Variants in ENPP3 observed in about 807,000 individuals in gnomAD.
The protein encoded by ENPP3 is ectonucleotide pyrophosphatase/phosphodiesterase 3, also known as ectonucleotide pyrophosphatase/phosphodiesterase family member 3.
In ENPP3, 104 loss-of-function variants were observed where a neutral mutation model predicts 117.8. The ratio of observed to expected loss-of-function variants is 0.88; its 90% CI spans 0.75 to 1.04. ENPP3 has a LOEUF of 1.04. Among genes scored for constraint, ENPP3 ranks in the 50% least tolerant of loss-of-function variants. ENPP3 has a pLI of 0.00. For missense variants in ENPP3, 1,026 were observed against 1,051.9 expected (o/e 0.98, Z 0.34); for synonymous variants, 380 against 349.9 (o/e 1.09, Z -0.96).
chr6:131,640,824 A>G (rs1330890388), intron 1 of ENPP3, among the ~76,000 whole-genome samples: 2 of 152,376 alleles, frequency 1.3e-5, no homozygotes, highest in East Asian at 3.9e-4. Flanking sequence ...TAATCATAGC[A>G]TAAAGTTCGT....
At chr6:131,713,252 T>A (rs1367399027) in intron 15 of ENPP3, among the ~76,000 whole-genome samples, 1 of 146,674 alleles carries the variant, frequency 6.8e-6, no homozygotes, top group Non-Finnish European at 1.5e-5. Context: ...ACTAAACCTC[T>A]TTCTTTTATA....
chr6:131,742,833 T>C (rs918419907), intron 24 of ENPP3, among the ~76,000 whole-genome samples: 7 of 152,176 alleles, frequency 4.6e-5, no homozygotes, highest in Admixed American at 1.3e-4. Context: ...AAATTCCATC[T>C]GGGCGTCAAG....
At chr6:131,652,958 T>A (rs1585620476) in intron 5 of ENPP3, 67 bp downstream of exon 5, 1 of 1,066,424 alleles carries the variant, frequency 9.4e-7, no homozygotes, top group Non-Finnish European at 1.4e-6. Context: ...ATGTAGTTAG[T>A]TGAGACGCAG....
At position 131,701,656 on chromosome 6, in the gene ENPP3, G is replaced by A. The variant is rs1404727428; in HGVS notation, c.1412+8032G>A. On this transcript the variant is annotated intron_variant, in intron 15 of 24. Coordinates refer to ENST00000357639, the MANE Select transcript of ENPP3 (RefSeq NM_005021.5). ...AGCACTTTGGGAGGCCGAGGCGGGC[G>A]GATTGCCTGAGCTCAGGAGTTCGAG... Among the ~76,000 whole-genome samples the A allele has an allele frequency of 4.0e-5, 6 of 149,114 alleles. No individual in the cohort carries two copies. The East Asian group carries it at 1.2e-3, about 29-fold the overall frequency.
intron 5 of ENPP3, among the ~76,000 whole-genome samples, chr6:131,653,226 C>T (rs1164027980): frequency 6.6e-6 from 1 of 152,142 alleles, no homozygotes; most frequent in Non-Finnish European, 1.5e-5. Context: ...ACCTCCCAGA[C>T]ACAGGTGATC....
rs760990670 is a variant in ENPP3 at position 131,737,452 on chromosome 6, A to T, written c.2167+20A>T. The T allele has an allele frequency of 6.5e-6, 9 of 1,374,046 alleles. No individual in the cohort carries two copies. The South Asian group carries it at 1.1e-4, about 17-fold the overall frequency. The allele number at this position is 1,374,046 out of a possible 1,614,324, so 85.1% of individuals were successfully genotyped here. On this transcript the variant is annotated intron_variant, in intron 22 of 24. Transcript: ENST00000357639. ...TCAGAAGTAAGTATGAATTTAGAGT[A>T]TTAATTTTAAAATAGTTAAGTGACT...
chr6:131,712,636 A>G (rs1779813036), intron 15 of ENPP3, among the ~76,000 whole-genome samples: 1 of 135,416 alleles, frequency 7.4e-6, no homozygotes, highest in Non-Finnish European at 1.5e-5. Context: ...ACTGTCACAT[A>G]GCTAAGGAGT....
At chr6:131,646,271 ACT>A (rs1778150088) in intron 2 of ENPP3, among the ~76,000 whole-genome samples, 1 of 120,550 alleles carries the variant, frequency 8.3e-6, no homozygotes, top group African/African-American at 4.3e-5. Context: ...GGCTCTCAAT[ACT>A]CTGTGTGTGT....
chr6:131,725,618 TA>T (rs1674182842), intron 19 of ENPP3, among the ~76,000 whole-genome samples: 1 of 152,184 alleles, frequency 6.6e-6, no homozygotes, highest in African/African-American at 2.4e-5. Context: ...CATAAGTTTA[TA>T]AAATTCCAAC....
At position 131,746,945 on chromosome 6, in the gene ENPP3, A is replaced by G; in HGVS notation, c.2617A>G (p.Thr873Ala). The G allele has an allele frequency of 6.3e-7, 1 of 1,594,290 alleles. No homozygotes were observed. Among genetic ancestry groups the G allele is most frequent in the Non-Finnish European group, 8.6e-7 (1 of 1,165,354 alleles). Residue 873 changes from threonine to alanine, a missense_variant, in exon 25 of 25, where the codon ACC (threonine) becomes GCC (alanine). By Grantham distance (58) the Thr-to-Ala change is moderately conservative. Coordinates refer to ENST00000357639, the MANE Select transcript of ENPP3 (RefSeq NM_005021.5). ...QLKTYLPTFE[T>A]TI ...AAAGACATATTTACCAACATTTGAA[A>G]CCACTATTTAACTTAATAATGTCTA...
intron 23 of ENPP3, among the ~76,000 whole-genome samples, chr6:131,739,419 C>T (rs577118456): frequency 7.8e-4 from 119 of 152,182 alleles, no homozygotes; most frequent in African/African-American, 2.6e-3. Context: ...ACTCGAAACT[C>T]GGTAAATGAC....
intron 11 of ENPP3, among the ~76,000 whole-genome samples, chr6:131,681,509 G>GA (rs200310715): frequency 0.15 from 22,022 of 142,780 alleles, 3,456 homozygotes; most frequent in African/African-American, 0.41. Flanking sequence ...TTATTCACTG[G>GA]AAAAAAAAAA....
At chr6:131,655,542 G>A (rs889729369) in intron 5 of ENPP3, among the ~76,000 whole-genome samples, 3 of 152,168 alleles carry the variant, frequency 2.0e-5, no homozygotes, top group Admixed American at 6.5e-5. Context: ...TCAGAAGAAC[G>A]GGTAAGGGGC....
intron 1 of ENPP3, among the ~76,000 whole-genome samples, chr6:131,639,740 A>G (rs1778003286): frequency 6.6e-6 from 1 of 152,144 alleles, no homozygotes; most frequent in Admixed American, 6.6e-5. Context: ...CTTTGTGCAC[A>G]GTGTAACATA....
rs761253181 is a variant in ENPP3 at position 131,746,893 on chromosome 6, G to T, written c.2565G>T (p.Val855=). 6 of 1,611,710 alleles carry T rather than the reference G, an allele frequency of 3.7e-6. No homozygotes were observed. The highest frequency in any genetic ancestry group is 5.1e-6 in the Non-Finnish European group (6 of 1,178,824). Residue 855 remains valine (V), a synonymous_variant, in exon 25 of 25, where the codon GTG becomes GTT. Coordinates refer to ENST00000357639, the MANE Select transcript of ENPP3 (RefSeq NM_005021.5). The part of the protein sequence containing the change: ...LTGLDFYQDK[V]QPVSEILQLK... Reference sequence around the variant, plus strand: ...GGCTTGACTTCTATCAGGATAAAGTGCAGCCTGTCTCTGAAATTTTGCAAC... The same window carrying T: ...GGCTTGACTTCTATCAGGATAAAGTTCAGCCTGTCTCTGAAATTTTGCAAC...
rs186539779 is a variant in ENPP3, at chr6:131,679,430, A to G, written c.1011+1490A>G. The stretch of plus-strand genomic sequence containing the variant: ...ATTTTAACTGTTAGCCGTGTTTGAT[A>G]TGATTTGTCCTTTGAGAAGGGACAC... On this transcript the variant is annotated intron_variant, in intron 11 of 24. Transcript: ENST00000357639. Among the ~76,000 whole-genome samples, 753 of 150,712 alleles carry G rather than the reference A, an allele frequency of 5.0e-3. 6 individuals carry two copies. The highest frequency in any genetic ancestry group is 0.016 in the African/African-American group (659 of 41,122).
intron 24 of ENPP3, among the ~76,000 whole-genome samples, chr6:131,742,574 AC>A (rs761888079): frequency 6.6e-6 from 1 of 152,000 alleles, no homozygotes; most frequent in Non-Finnish European, 1.5e-5. Context: ...ATAGCCTCTC[AC>A]CCCAAAACTT....
chr6:131,699,350 C>A (rs1487797057), intron 15 of ENPP3, among the ~76,000 whole-genome samples: 2 of 141,150 alleles, frequency 1.4e-5, no homozygotes, highest in African/African-American at 2.7e-5. Context: ...AAAGTAAATT[C>A]TTTGAACTAA....
intron 1 of ENPP3, among the ~76,000 whole-genome samples, chr6:131,640,644 G>A (rs1234653366): frequency 2.0e-5 from 3 of 152,112 alleles, no homozygotes; most frequent in South Asian, 2.1e-4. Context: ...CTATAACAAA[G>A]GTTATTGTAA....
Sources: gnomAD v4.1 joint callset for allele counts (sites outside exome capture counted in the v4.1 genomes callset) on GRCh38, gnomAD v4.1.1 for gene constraint, MANE v1.5 for transcripts, NCBI Gene and HGNC (gene_info 2026-07-23, HGNC 2026-07-21) for gene names.